The following VRK2 variants were observed in gnomAD, a reference collection of about 807,000 sequenced individuals.
VRK2 encodes serine/threonine-protein kinase VRK2.
VRK2 carries 60 observed loss-of-function variants against 57.6 expected under a neutral mutation model. That is an observed-to-expected ratio of 1.04 (90% CI 0.85 to 1.29). VRK2 has a LOEUF of 1.29. VRK2 is among the 50% of genes most tolerant of loss of function. VRK2 has a pLI of 0.00. For synonymous variants in VRK2, 231 were observed against 199.2 expected (o/e 1.16, Z -1.35); for missense variants, 705 against 588.1 (o/e 1.20, Z -2.06).
intron 5 of VRK2, among the ~76,000 whole-genome samples, chr2:58,087,633 A>G (rs1485321101): frequency 6.6e-6 from 1 of 152,212 alleles, no homozygotes; most frequent in Non-Finnish European, 1.5e-5. Flanking sequence ...AAGTGCACTT[A>G]AAGACATGTT....
chr2:57,956,222 G>T (rs1029340268), intron 1 of VRK2, among the ~76,000 whole-genome samples: 1 of 151,884 alleles, frequency 6.6e-6, no homozygotes, highest in South Asian at 2.1e-4. Flanking sequence ...CTCTACAAAA[G>T]AAAAAATAAA....
At chr2:58,158,514 A>T (rs1031071919) in intron 12 of VRK2, among the ~76,000 whole-genome samples, 1 of 152,164 alleles carries the variant, frequency 6.6e-6, no homozygotes, top group Admixed American at 6.5e-5. Context: ...GGTAGTAGCT[A>T]TTCTGAGAAT....
chr2:58,042,601 T>C (rs1572820331), upstream of VRK2, among the ~76,000 whole-genome samples: 1 of 152,364 alleles, frequency 6.6e-6, no homozygotes, highest in Non-Finnish European at 1.5e-5. Flanking sequence ...CCTTGTAAAG[T>C]ATGCTTACTA....
intron 1 of VRK2, among the ~76,000 whole-genome samples, chr2:57,922,337 A>C (rs1670376244): frequency 6.6e-6 from 1 of 151,986 alleles, no homozygotes; most frequent in Non-Finnish European, 1.5e-5. Flanking sequence ...GTGGGGTTTA[A>C]TTGAGAAAAA....
At chr2:58,014,740 G>A (rs972078573) in intron 1 of VRK2, among the ~76,000 whole-genome samples, 21 of 152,164 alleles carry the variant, frequency 1.4e-4, no homozygotes, top group Non-Finnish European at 2.4e-4. Flanking sequence ...ATGGGAAACT[G>A]ACATTAAATT....
intron 1 of VRK2, among the ~76,000 whole-genome samples, chr2:57,945,730 C>T (rs890609279): frequency 6.6e-6 from 1 of 152,116 alleles, no homozygotes; most frequent in African/African-American, 2.4e-5. Flanking sequence ...GAAAGGACTG[C>T]AAGCTCTTGG....
intron 2 of VRK2, among the ~76,000 whole-genome samples, chr2:58,068,366 TTCA>T (rs1382803452): frequency 6.6e-6 from 1 of 152,316 alleles, no homozygotes; most frequent in East Asian, 1.9e-4. Flanking sequence ...TTTTCCCATC[TTCA>T]TCATTTCTGA....
At chr2:57,932,898 G>A (rs1314517021) in intron 1 of VRK2, among the ~76,000 whole-genome samples, 2 of 151,966 alleles carry the variant, frequency 1.3e-5, no homozygotes, top group Non-Finnish European at 2.9e-5. Context: ...ACTTTCATTT[G>A]TCTCAAGATA....
intron 2 of VRK2, among the ~76,000 whole-genome samples, chr2:58,030,309 C>G (rs1462609749): frequency 6.6e-6 from 1 of 152,112 alleles, no homozygotes; most frequent in East Asian, 1.9e-4. Context: ...ATTTATTCAT[C>G]TTTGTTTTAA....
chr2:58,021,888 T>C (rs1673767218), intron 1 of VRK2, among the ~76,000 whole-genome samples: 1 of 152,220 alleles, frequency 6.6e-6, no homozygotes, highest in Non-Finnish European at 1.5e-5. Flanking sequence ...TTTTAAACAC[T>C]GTTTCTTCCT....
intron 7 of VRK2, among the ~76,000 whole-genome samples, chr2:58,113,596 A>G (rs113473780): frequency 0.044 from 6,654 of 152,188 alleles, 194 homozygotes; most frequent in Non-Finnish European, 0.067. Context: ...GGAAAATTAC[A>G]GTCAAAGGGG....
upstream of VRK2, among the ~76,000 whole-genome samples, chr2:58,042,684 A>C (rs956821079): frequency 1.3e-5 from 2 of 152,214 alleles, no homozygotes; most frequent in East Asian, 1.9e-4. Context: ...GAAAAGCAGA[A>C]CGCATGCCAT....
At position 58,086,387 on chromosome 2, in the gene VRK2, T is replaced by C. The variant is rs765005527; in HGVS notation, c.305T>C (p.Leu102Pro). 2.5e-6 allele frequency: 4 copies of C among 1,605,072 alleles called. No homozygotes were observed. The highest frequency in any genetic ancestry group is 3.4e-6 in the Non-Finnish European group (4 of 1,177,364). ...CAACTTGATTATTTAGGAATTCCTC[T>C]GTTTTATGGATCTGGTCTGACTGAA... Reference protein sequence around the residue: ...RKQLDYLGIPLFYGSGLTEFK... With the variant: ...RKQLDYLGIPPFYGSGLTEFK... Residue 102 changes from leucine to proline, a missense_variant, in exon 5 of 13, where the codon CTG (leucine) becomes CCG (proline). Transcript: ENST00000340157.
chr2:58,004,180 G>A (rs1467296820), intron 1 of VRK2, among the ~76,000 whole-genome samples: 4 of 151,478 alleles, frequency 2.6e-5, no homozygotes, highest in African/African-American at 9.7e-5. Context: ...ATACATACAC[G>A]CATACAGCAC....
chr2:57,965,232 A>G (rs1671880284), intron 1 of VRK2, among the ~76,000 whole-genome samples: 1 of 152,250 alleles, frequency 6.6e-6, no homozygotes, highest in South Asian at 2.1e-4. Flanking sequence ...AAAAGCCGGA[A>G]GACCTCCACA....
intron 7 of VRK2, among the ~76,000 whole-genome samples, chr2:58,118,866 A>G (rs1244528721): frequency 7.2e-5 from 11 of 152,194 alleles, no homozygotes; most frequent in Admixed American, 7.2e-4. Context: ...ATTACAGTCA[A>G]AGGAGGTTGT....
At chr2:58,104,718 C>G (rs1300877909) in intron 7 of VRK2, among the ~76,000 whole-genome samples, 2 of 151,774 alleles carry the variant, frequency 1.3e-5, no homozygotes, top group African/African-American at 4.8e-5. Flanking sequence ...TCCTGAAATT[C>G]ACATAGAACT....
intron 1 of VRK2, among the ~76,000 whole-genome samples, chr2:57,960,704 T>C (rs577840968): frequency 4.3e-4 from 66 of 152,334 alleles, no homozygotes; most frequent in Non-Finnish European, 2.4e-4. Context: ...TTTCCATTTA[T>C]GATCAGAAGC....
chr2:58,112,776 G>C (rs1444154105), intron 7 of VRK2, among the ~76,000 whole-genome samples: 1 of 152,068 alleles, frequency 6.6e-6, no homozygotes, highest in Non-Finnish European at 1.5e-5. Context: ...TACTGGCCTC[G>C]GACAAAGTTG....
Sources: gnomAD v4.1 joint callset for allele counts (sites outside exome capture counted in the v4.1 genomes callset) on GRCh38, gnomAD v4.1.1 for gene constraint, MANE v1.5 for transcripts, NCBI Gene and HGNC (gene_info 2026-07-23, HGNC 2026-07-21) for gene names.